Variants in PIP4K2C observed in about 807,000 individuals in gnomAD.
The protein encoded by PIP4K2C is phosphatidylinositol-5-phosphate 4-kinase type 2 gamma.
Under a neutral mutation model 45.0 loss-of-function variants are expected in PIP4K2C, and 21 were observed. The ratio of observed to expected loss-of-function variants is 0.47; its 90% CI spans 0.33 to 0.67. PIP4K2C has a LOEUF of 0.67. Ranked by LOEUF, PIP4K2C falls within the 30% of genes least tolerant of loss-of-function variation. The pLI is 0.02. For missense variants in PIP4K2C, 456 were observed against 542.8 expected (o/e 0.84, Z 1.59); for synonymous variants, 201 against 204.8 (o/e 0.98, Z 0.16).
At chr12:57,594,840 C>T (rs1454382468) in intron 2 of PIP4K2C, among the ~76,000 whole-genome samples, 2 of 152,072 alleles carry the variant, frequency 1.3e-5, no homozygotes, top group Admixed American at 1.3e-4. Flanking sequence ...CATGGTGGCG[C>T]ATGCCTGTAG....
Position 57,595,892 on chromosome 12 carries a change from C to T in PIP4K2C, c.374C>T (p.Ser125Phe), listed in dbSNP as rs1883169587. The T allele has an allele frequency of 6.2e-7, 1 of 1,613,996 alleles. No homozygotes were observed. Among genetic ancestry groups the T allele is most frequent in the South Asian group, 1.1e-5 (1 of 91,066 alleles). ...TGGCCTATTCTGTGTCCCCAGGTGT[C>T]CCTTACCCGAAACCCCCCCAGCGAA... ...FGIDDQDYLV[S>F]LTRNPPSESE... Residue 125 changes from serine (S) to phenylalanine (F), a missense_variant, in exon 4 of 10, where the codon TCC (serine) becomes TTC (phenylalanine). Physicochemically the swap from Ser to Phe is radical, Grantham distance 155. This residue lies in a region of PIP4K2C where 421 missense variants were observed against 473.1 expected (regional missense o/e 0.89). Transcript: ENST00000354947.
intron 4 of PIP4K2C, 128 bp downstream of exon 4, chr12:57,596,159 C>G: frequency 8.4e-7 from 1 of 1,185,642 alleles, no homozygotes; most frequent in Non-Finnish European, 1.2e-6. Flanking sequence ...TCATATCCAG[C>G]CCTAAATGGG....
rs1341602689 is a variant in PIP4K2C at position 57,595,933 on chromosome 12, G to T, written c.415G>T (p.Gly139Cys). The T allele has an allele frequency of 6.2e-7, 1 of 1,613,818 alleles. No individual in the cohort carries two copies. The highest frequency in any genetic ancestry group is 8.5e-7 in the Non-Finnish European group (1 of 1,179,894). Residue 139 changes from glycine to cysteine, a missense_variant, in exon 4 of 10, where the codon GGT (glycine) becomes TGT (cysteine). By Grantham distance (159) the Gly-to-Cys change is radical. This residue lies in a region of PIP4K2C where 421 missense variants were observed against 473.1 expected (regional missense o/e 0.89). Coordinates refer to ENST00000354947, the MANE Select transcript of PIP4K2C (RefSeq NM_024779.5). The stretch of plus-strand genomic sequence containing the variant: ...CCCCAGCGAAAGTGAAGGCAGTGAT[G>T]GTCGCTTCCTTATCTCCTACGATCG... ...NPPSESEGSD[G>C]RFLISYDRTL...
Position 57,600,817 on chromosome 12 carries a change from G to A in PIP4K2C, c.820G>A (p.Val274Met), listed in dbSNP as rs750149441. Reference sequence around the variant, plus strand: ...ATTTGTCAGTGGGTCTCAGTTTCTAGTGCAGCTGAAGATCATGGACTACAG... The same window carrying A: ...ATTTGTCAGTGGGTCTCAGTTTCTAATGCAGCTGAAGATCATGGACTACAG... Reference protein sequence around the residue: ...EKLKRDVEFLVQLKIMDYSLL... With the variant: ...EKLKRDVEFLMQLKIMDYSLL... Residue 274 changes from valine (V) to methionine (M), a missense_variant, in exon 8 of 10, where the codon GTG (valine) becomes ATG (methionine). By Grantham distance (21) the Val-to-Met change is conservative (BLOSUM62 1). Coordinates refer to ENST00000354947, the MANE Select transcript of PIP4K2C (RefSeq NM_024779.5). The A allele has an allele frequency of 6.2e-7, 1 of 1,614,124 alleles. No individual in the cohort carries two copies. The highest frequency in any genetic ancestry group is 8.5e-7 in the Non-Finnish European group (1 of 1,180,014).
Position 57,591,271 on chromosome 12 carries a change from G to T in PIP4K2C, c.-19G>T, listed in dbSNP as rs1212433046. On this transcript the variant is annotated 5_prime_UTR_variant, in exon 1 of 10. Transcript: ENST00000354947. The stretch of plus-strand genomic sequence containing the variant: ...AGCTGCCGGCTCCGGCTTCCACTTG[G>T]TCGGTTGCGCGGGAGACTATGGCGT... The T allele has an allele frequency of 1.3e-6, 2 of 1,591,108 alleles. No homozygotes were observed. Among genetic ancestry groups the T allele is most frequent in the Non-Finnish European group, 1.7e-6 (2 of 1,164,752 alleles).
chr12:57,603,342 TTTTG>T lies in PIP4K2C; in HGVS notation c.*1740_*1743del, dbSNP rs1883529523. The stretch of plus-strand genomic sequence containing the variant: ...ATTTGTTGCTTCTGTTTTTCATCTT[TTTTG>T]TTTTATTAATAAAAATTTATGTATT... On this transcript the variant is annotated 3_prime_UTR_variant, in exon 10 of 10. Coordinates refer to ENST00000354947, the MANE Select transcript of PIP4K2C (RefSeq NM_024779.5). The T allele has an allele frequency of 6.6e-6, 1 of 152,626 alleles. No individual in the cohort carries two copies. The highest frequency in any genetic ancestry group is 2.4e-5 in the African/African-American group (1 of 41,462). The allele number at this position is 152,626 out of a possible 1,614,324, so 9.5% of individuals were successfully genotyped here.
At position 57,603,163 on chromosome 12, in the gene PIP4K2C, TC is replaced by T. The variant is rs1883520147; in HGVS notation, c.*1559del. On this transcript the variant is annotated 3_prime_UTR_variant, in exon 10 of 10. Transcript: ENST00000354947. Reference sequence around the variant, plus strand: ...GGGTTGGAGCCCCCATATAACATCTTCCTGTCAGAAGACTGATGGATCTTTT... The same window carrying T: ...GGGTTGGAGCCCCCATATAACATCTTCTGTCAGAAGACTGATGGATCTTTT... The T allele has an allele frequency of 1.3e-5, 2 of 152,572 alleles. No individual in the cohort carries two copies. Among genetic ancestry groups the T allele is most frequent in the African/African-American group, 4.8e-5 (2 of 41,424 alleles). The allele number at this position is 152,572 out of a possible 1,614,324, so 9.5% of individuals were successfully genotyped here.
rs377542422 is a variant in PIP4K2C at position 57,601,088 on chromosome 12, C to T, written c.1081+10C>T. On this transcript the variant is annotated intron_variant, in intron 8 of 9. Coordinates refer to ENST00000354947, the MANE Select transcript of PIP4K2C (RefSeq NM_024779.5). ...ATCCGGAGTGCTGAAGGTGAGAGAA[C>T]CGGGACAATTTAAGGGTGGAGAGGG... 220 of 1,611,620 alleles carry T rather than the reference C, an allele frequency of 1.4e-4. No homozygotes were observed. Among genetic ancestry groups the T allele is most frequent in the Non-Finnish European group, 1.7e-4 (206 of 1,178,914 alleles).
At chr12:57,600,174 T>A in intron 6 of PIP4K2C, 150 bp from the exon 7 acceptor site, 1 of 474,984 alleles carries the variant, frequency 2.1e-6, no homozygotes, top group Non-Finnish European at 3.8e-6. Flanking sequence ...TCTGTGGAAG[T>A]CACTGGAGGT....
At position 57,599,208 on chromosome 12, in the gene PIP4K2C, CAAGGT is replaced by C; in HGVS notation, c.660+1_660+5del. ...TTCCTGTGCACAGGAAGTATGACCT[CAAGGT>C]AAGAAGAGGGTAGCTCGGACTTAGA... On this transcript the variant is annotated splice_donor_variant and coding_sequence_variant, in exon 5 of 10. Transcript: ENST00000354947. LOFTEE classifies it high-confidence loss of function. 1 of 1,614,068 alleles carries C rather than the reference CAAGGT, an allele frequency of 6.2e-7. No individual in the cohort carries two copies. Among genetic ancestry groups the C allele is most frequent in the South Asian group, 1.1e-5 (1 of 91,074 alleles).
At chr12:57,593,652 T>C (rs1389395853) in intron 1 of PIP4K2C, among the ~76,000 whole-genome samples, 1 of 148,040 alleles carries the variant, frequency 6.8e-6, no homozygotes, top group African/African-American at 2.5e-5. Context: ...TAATGGAACA[T>C]GTAGCTGCCT....
At chr12:57,593,774 C>T (rs983320503) in intron 1 of PIP4K2C, among the ~76,000 whole-genome samples, 1 of 127,418 alleles carries the variant, frequency 7.8e-6, no homozygotes, top group Admixed American at 9.5e-5. Flanking sequence ...TATAAAATGA[C>T]TGTTGTGAGC....
At chr12:57,594,874 G>A (rs1399698838) in intron 2 of PIP4K2C, among the ~76,000 whole-genome samples, 1 of 152,158 alleles carries the variant, frequency 6.6e-6, no homozygotes, top group Non-Finnish European at 1.5e-5. Context: ...GGAGGCTGAG[G>A]CAGGAGAATT....
rs1883452502 is a variant in PIP4K2C at position 57,601,754 on chromosome 12, G to A, written c.*148G>A. 5 of 688,118 alleles carry A rather than the reference G, an allele frequency of 7.3e-6. No individual in the cohort carries two copies. Among genetic ancestry groups the A allele is most frequent in the African/African-American group, 1.8e-5 (1 of 56,202 alleles). 42.6% of individuals were successfully genotyped at this position (688,118 alleles called of 1,614,324 possible). On this transcript the variant is annotated 3_prime_UTR_variant, in exon 10 of 10. Transcript: ENST00000354947. ...TCCATCCAGATAACTCCATCCTGTC[G>A]AGTAGGCTCTTTCTGACCCTCAGAA...
At chr12:57,593,986 C>G in intron 1 of PIP4K2C, 39 bp from the exon 2 acceptor site, 1 of 1,539,414 alleles carries the variant, frequency 6.5e-7, no homozygotes, top group South Asian at 1.1e-5. Context: ...TCTCCACACC[C>G]TTCTTCATGG....
chr12:57,599,886 A>C (rs1003725988), intron 6 of PIP4K2C, among the ~76,000 whole-genome samples: 3 of 152,100 alleles, frequency 2.0e-5, no homozygotes, highest in African/African-American at 7.2e-5. Flanking sequence ...TCTACCAAAA[A>C]CACAAAAATT....
chr12:57,600,704 ACTT>A (rs1162972332), intron 7 of PIP4K2C, 104 bp from the exon 8 acceptor site: 2 of 1,410,364 alleles, frequency 1.4e-6, no homozygotes, highest in African/African-American at 1.4e-5. Context: ...CAATTTTTAT[ACTT>A]CCTTTCCCCA....
Position 57,595,878 on chromosome 12 carries a change from G to C in PIP4K2C, c.370-10G>C, listed in dbSNP as rs758479156. 3 of 1,613,724 alleles carry C rather than the reference G, an allele frequency of 1.9e-6. No individual in the cohort carries two copies. Among genetic ancestry groups the C allele is most frequent in the Middle Eastern group, 1.7e-4 (1 of 6,010 alleles). Reference sequence around the variant, plus strand: ...GAGGAAAAGAGCTCTGGCCTATTCTGTGTCCCCAGGTGTCCCTTACCCGAA... The same window carrying C: ...GAGGAAAAGAGCTCTGGCCTATTCTCTGTCCCCAGGTGTCCCTTACCCGAA... On this transcript the variant is annotated splice_polypyrimidine_tract_variant and intron_variant, in intron 3 of 9. Coordinates refer to ENST00000354947, the MANE Select transcript of PIP4K2C (RefSeq NM_024779.5).
chr12:57,591,217 G>T lies in PIP4K2C; in HGVS notation c.-73G>T. 1 of 1,500,382 alleles carries T rather than the reference G, an allele frequency of 6.7e-7. No individual in the cohort carries two copies. The highest frequency in any genetic ancestry group is 2.2e-4 in the Middle Eastern group (1 of 4,636). The allele number at this position is 1,500,382 out of a possible 1,614,324, so 92.9% of individuals were successfully genotyped here. A position where few individuals can be genotyped will look rare whatever the true frequency, so the allele number is the denominator to read the frequency against. Reference sequence around the variant, plus strand: ...GGTCACGTGACAGCAGCGCAGGTGAGCGCCGCTTCCGGGGTCGGGCGCCTG... The same window carrying T: ...GGTCACGTGACAGCAGCGCAGGTGATCGCCGCTTCCGGGGTCGGGCGCCTG... On this transcript the variant is annotated 5_prime_UTR_variant, in exon 1 of 10. Transcript: ENST00000354947.
Sources: allele counts gnomAD v4.1 joint callset (sites outside exome capture counted in the v4.1 genomes callset), GRCh38; gene constraint gnomAD v4.1.1; regional missense constraint gnomAD v4.1.1; transcripts MANE v1.5; gene names NCBI Gene and HGNC (gene_info 2026-07-23, HGNC 2026-07-21).